Variants in SCEL observed in about 807,000 individuals in gnomAD.
The protein encoded by SCEL is sciellin.
Under a neutral mutation model 117.6 loss-of-function variants are expected in SCEL, and 113 were observed. The observed-to-expected ratio is 0.96, with a 90% CI of 0.83 to 1.12. The LOEUF (loss-of-function observed/expected upper bound fraction) is 1.12. Among genes scored for constraint, SCEL ranks in the 50% most tolerant of loss-of-function variants. The pLI is 0.00. For synonymous variants in SCEL, 270 were observed against 256.2 expected (o/e 1.05, Z -0.51); for missense variants, 785 against 810.8 (o/e 0.97, Z 0.39).
At chr13:77,617,963 T>C (rs182756124) in intron 26 of SCEL, 41 bp from the exon 27 acceptor site, 2 of 1,601,308 alleles carry the variant, frequency 1.2e-6, no homozygotes, top group African/African-American at 2.7e-5. Context: ...CCCCAAAATC[T>C]ATTACCAATC....
chr13:77,627,983 T>G lies in SCEL; in HGVS notation c.1665T>G (p.Ser555=), dbSNP rs750876427. 100 of 1,511,374 alleles carry G rather than the reference T, an allele frequency of 6.6e-5. No individual in the cohort carries two copies. Among genetic ancestry groups the G allele is most frequent in the Non-Finnish European group, 8.8e-5 (98 of 1,113,282 alleles). The allele number at this position is 1,511,374 out of a possible 1,614,324, so 93.6% of individuals were successfully genotyped here. ...TGGAAAATTTAATTGAAGTAAATTC[T>G]CATGTGTCTGAAAACAAGAATGGAA... is the stretch of plus-strand genomic sequence containing the variant. ...QNLENLIEVN[S]HVSENKNGSS... The change falls in exon 28 of 33, where the codon TCT becomes TCG. Residue 555 remains serine (S), a synonymous_variant. Coordinates refer to ENST00000349847, the MANE Select transcript of SCEL (RefSeq NM_144777.3).
At chr13:77,624,681 GT>G (rs777233297) in intron 27 of SCEL, among the ~76,000 whole-genome samples, 1 of 152,196 alleles carries the variant, frequency 6.6e-6, no homozygotes, top group Non-Finnish European at 1.5e-5. Flanking sequence ...GCATTCAGGG[GT>G]GAAGTAAGGC....
chr13:77,571,395 A>G (rs901798717), intron 8 of SCEL, among the ~76,000 whole-genome samples: 1 of 124,296 alleles, frequency 8.0e-6, no homozygotes, highest in African/African-American at 3.1e-5. Flanking sequence ...AAAAAAAAAA[A>G]TTATATTTTG....
chr13:77,574,202 T>A (rs1039043831), intron 9 of SCEL, among the ~76,000 whole-genome samples: 1 of 152,238 alleles, frequency 6.6e-6, no homozygotes, highest in Non-Finnish European at 1.5e-5. Flanking sequence ...TGAATTAACA[T>A]CTCATGCTAT....
chr13:77,586,413 C>G (rs1327466537), intron 9 of SCEL, among the ~76,000 whole-genome samples: 4 of 152,136 alleles, frequency 2.6e-5, no homozygotes, highest in Non-Finnish European at 5.9e-5. Context: ...ATTCCTCAGC[C>G]CCATCACAAT....
At chr13:77,591,565 C>A in intron 11 of SCEL, 105 bp downstream of exon 11, 1 of 678,982 alleles carries the variant, frequency 1.5e-6, no homozygotes, top group South Asian at 2.0e-5. Context: ...TAGACAAAAT[C>A]AGTTTTCCAA....
intron 29 of SCEL, 106 bp downstream of exon 29, chr13:77,634,556 AG>A: frequency 1.4e-6 from 1 of 727,318 alleles, no homozygotes; most frequent in East Asian, 2.8e-5. Context: ...TTCAAATAGA[AG>A]ACCGTTTATA....
chr13:77,592,715 C>T (rs1373741505), intron 11 of SCEL, among the ~76,000 whole-genome samples: 2 of 151,936 alleles, frequency 1.3e-5, no homozygotes, highest in African/African-American at 2.4e-5. Context: ...CAGGCCACCA[C>T]ACCCAGCTAA....
intron 11 of SCEL, among the ~76,000 whole-genome samples, chr13:77,593,298 CTGT>C (rs2087013253): frequency 2.7e-5 from 2 of 73,676 alleles, no homozygotes; most frequent in African/African-American, 5.9e-5. Flanking sequence ...GTGTGTGTGT[CTGT>C]GTGTGTGTGT....
chr13:77,546,864 T>C (rs2084017444), intron 1 of SCEL, among the ~76,000 whole-genome samples: 1 of 152,166 alleles, frequency 6.6e-6, no homozygotes, highest in Non-Finnish European at 1.5e-5. Context: ...TTAGTCCCTA[T>C]GATTGCCCAC....
intron 1 of SCEL, among the ~76,000 whole-genome samples, chr13:77,554,247 T>C (rs1316249356): frequency 2.0e-5 from 3 of 152,260 alleles, no homozygotes; most frequent in African/African-American, 7.2e-5. Flanking sequence ...GGGACTGACC[T>C]TTTTTATCCC....
chr13:77,634,494 T>A (rs948438684), intron 29 of SCEL, 44 bp downstream of exon 29: 1 of 1,399,716 alleles, frequency 7.1e-7, no homozygotes, highest in Admixed American at 1.7e-5. Flanking sequence ...TTTTATAATT[T>A]TGAAAGGATC....
rs560088381 is a variant in SCEL at position 77,598,883 on chromosome 13, T to C, written c.798-446T>C. Reference sequence around the variant, plus strand: ...TTTTTGTAGAGATGGGGTCAGACCATGTTGCCCAGGTTGGTCTCGGGCTCC... The same window carrying C: ...TTTTTGTAGAGATGGGGTCAGACCACGTTGCCCAGGTTGGTCTCGGGCTCC... On this transcript the variant is annotated intron_variant, in intron 13 of 32. Coordinates refer to ENST00000349847, the MANE Select transcript of SCEL (RefSeq NM_144777.3). Among the ~76,000 whole-genome samples the C allele has an allele frequency of 2.6e-5, 4 of 152,262 alleles. No individual in the cohort carries two copies. In the East Asian group the frequency reaches 5.8e-4, roughly 22 times the overall value.
At chr13:77,551,420 C>A (rs187865176) in intron 1 of SCEL, among the ~76,000 whole-genome samples, 54 of 152,278 alleles carry the variant, frequency 3.5e-4, no homozygotes, top group African/African-American at 1.2e-3. Flanking sequence ...ATAAGGACTC[C>A]ATAGTTTGCT....
chr13:77,571,375 T>C (rs1229256531), intron 8 of SCEL, among the ~76,000 whole-genome samples: 1 of 34,850 alleles, frequency 2.9e-5, no homozygotes, highest in African/African-American at 1.1e-4. Context: ...CGAGACTACA[T>C]CTCAAAAAAA....
intron 16 of SCEL, 42 bp from the exon 17 acceptor site, chr13:77,602,612 G>A (rs1282725612): frequency 1.9e-6 from 3 of 1,550,184 alleles, no homozygotes; most frequent in Non-Finnish European, 1.8e-6. Context: ...AGAGAAAATT[G>A]TACTGTAACC....
chr13:77,565,474 C>T (rs2085237907), intron 5 of SCEL, among the ~76,000 whole-genome samples: 1 of 152,088 alleles, frequency 6.6e-6, no homozygotes, highest in Non-Finnish European at 1.5e-5. Flanking sequence ...TATGTTTGGG[C>T]AAAGTATCCT....
chr13:77,597,247 C>G (rs1354606526), intron 12 of SCEL: 1 of 323,778 alleles, frequency 3.1e-6, no homozygotes, highest in Non-Finnish European at 5.6e-6. Flanking sequence ...TAACATGAGA[C>G]CAGTGTGCAA....
intron 27 of SCEL, among the ~76,000 whole-genome samples, chr13:77,619,205 C>A (rs1041654900): frequency 2.6e-5 from 4 of 152,186 alleles, no homozygotes; most frequent in Non-Finnish European, 5.9e-5. Flanking sequence ...ATTGGCCTAA[C>A]TCTTACATCT....
Sources: gnomAD v4.1 joint callset for allele counts (sites outside exome capture counted in the v4.1 genomes callset) on GRCh38, gnomAD v4.1.1 for gene constraint, MANE v1.5 for transcripts, NCBI Gene and HGNC (gene_info 2026-07-23, HGNC 2026-07-21) for gene names.